Variants in DISP1 observed in about 807,000 individuals in gnomAD.
DISP1 encodes dispatched RND transporter family member 1, also known as protein dispatched homolog 1.
A neutral mutation model predicts 37.3 loss-of-function variants in DISP1; 30 were observed. The ratio of observed to expected loss-of-function variants is 0.80; its 90% CI spans 0.60 to 1.09. The LOEUF (loss-of-function observed/expected upper bound fraction) is 1.09, where lower values mean the gene tolerates loss of function less well. DISP1 is among the 50% of genes least tolerant of loss of function. The pLI, the probability that DISP1 is intolerant of heterozygous loss-of-function variation, is 0.00. For missense variants in DISP1, 1,598 were observed against 1,879.5 expected, an observed-to-expected ratio of 0.85 and a Z score of 2.77; for synonymous variants, 634 against 690.2, an observed-to-expected ratio of 0.92 and a Z score of 1.28.
intron 1 of DISP1, among the ~76,000 whole-genome samples, chr1:222,853,577 C>G (rs1364293341): frequency 6.6e-6 from 1 of 152,116 alleles, no homozygotes; most frequent in Non-Finnish European, 1.5e-5. Flanking sequence ...CCATGAAATC[C>G]TGTCATTCAC....
chr1:222,867,492 C>T (rs1309160142), intron 1 of DISP1, among the ~76,000 whole-genome samples: 2 of 152,024 alleles, frequency 1.3e-5, no homozygotes, highest in African/African-American at 4.8e-5. Context: ...TGTTAGGAAA[C>T]CCTTTGTGCA....
At chr1:222,948,157 G>A (rs1674932138) in intron 3 of DISP1, among the ~76,000 whole-genome samples, 1 of 152,176 alleles carries the variant, frequency 6.6e-6, no homozygotes, top group Admixed American at 6.5e-5. Flanking sequence ...GGACTACAGA[G>A]TAACAGTAAC....
chr1:222,984,564 T>C (rs1678135635), intron 4 of DISP1, among the ~76,000 whole-genome samples: 1 of 151,018 alleles, frequency 6.6e-6, no homozygotes, highest in African/African-American at 2.4e-5. Flanking sequence ...CATGTTGACA[T>C]ACTTTAAATG....
intron 1 of DISP1, among the ~76,000 whole-genome samples, chr1:222,908,741 T>C (rs1672050143): frequency 1.3e-5 from 2 of 152,172 alleles, no homozygotes; most frequent in South Asian, 2.1e-4. Context: ...ACCTAATGAA[T>C]TTACTTTCTT....
intron 1 of DISP1, among the ~76,000 whole-genome samples, chr1:222,873,676 G>A (rs1302257490): frequency 1.3e-5 from 2 of 152,132 alleles, no homozygotes; most frequent in Non-Finnish European, 2.9e-5. Flanking sequence ...GTTTCTGCAC[G>A]TGAGATGGGT....
intron 1 of DISP1, among the ~76,000 whole-genome samples, chr1:222,915,580 T>A (rs777058741): frequency 6.6e-6 from 1 of 152,238 alleles, no homozygotes; most frequent in Non-Finnish European, 1.5e-5. Flanking sequence ...GTTGGGTGAT[T>A]AACCAGGGCA....
intron 2 of DISP1, among the ~76,000 whole-genome samples, chr1:222,934,836 A>T (rs1673618285): frequency 6.6e-6 from 1 of 152,152 alleles, no homozygotes; most frequent in Admixed American, 6.6e-5. Flanking sequence ...ATTTGCATGC[A>T]CAAAAAACAG....
chr1:222,947,144 A>G (rs770881089), intron 3 of DISP1, among the ~76,000 whole-genome samples: 2 of 152,222 alleles, frequency 1.3e-5, no homozygotes, highest in Non-Finnish European at 2.9e-5. Flanking sequence ...CATCTTCCCA[A>G]ACTGAAACTC....
intron 1 of DISP1, among the ~76,000 whole-genome samples, chr1:222,826,844 A>G (rs1212478015): frequency 1.3e-5 from 2 of 152,228 alleles, no homozygotes; most frequent in African/African-American, 4.8e-5. Flanking sequence ...TTGAATTTGG[A>G]CAATCTGACT....
intron 1 of DISP1, among the ~76,000 whole-genome samples, chr1:222,822,724 G>A (rs1386153119): frequency 6.6e-6 from 1 of 152,206 alleles, no homozygotes; most frequent in Non-Finnish European, 1.5e-5. Flanking sequence ...GATTTTCAGT[G>A]AGACATGCTG....
chr1:222,950,532 A>G lies in DISP1; in HGVS notation c.509+7200A>G, dbSNP rs913798437. Among the ~76,000 whole-genome samples the G allele has an allele frequency of 9.9e-5, 15 of 152,158 alleles. No homozygotes were observed. The East Asian group carries it at 1.2e-3, about 12-fold the overall frequency. On this transcript the variant is annotated intron_variant, in intron 3 of 8. Coordinates refer to ENST00000675850, the MANE Select transcript of DISP1 (RefSeq NM_001377229.1). Reference sequence around the variant, plus strand: ...GGAGAATGGCCTGAACCCGGGAGGCAGAGCTTGCAGTGATCTGAGATCGCA... The same window carrying G: ...GGAGAATGGCCTGAACCCGGGAGGCGGAGCTTGCAGTGATCTGAGATCGCA...
intron 6 of DISP1, 148 bp downstream of exon 6, chr1:222,991,795 T>C (rs1678714389): frequency 1.9e-6 from 2 of 1,027,866 alleles, no homozygotes; most frequent in Non-Finnish European, 2.8e-6. Flanking sequence ...TCATTGTGTT[T>C]GAAGATTTTG....
chr1:223,003,773 C>T lies in DISP1; in HGVS notation c.2376C>T (p.Gly792=), dbSNP rs753722465. 32 of 1,614,112 alleles carry T rather than the reference C, an allele frequency of 2.0e-5. No individual in the cohort carries two copies. In the South Asian group the frequency reaches 2.3e-4, roughly 12 times the overall value. The change falls in exon 9 of 9, where the codon GGC becomes GGT. Residue 792 remains glycine, a synonymous_variant. Transcript: ENST00000675850. The surrounding 1 kb of genome is among the most constrained non-coding windows in gnomAD (Gnocchi z 4.3). The part of the protein sequence containing the change: ...ELHMPITVIW[G]VSPEDNGNPL... ...ACATGCCCATCACAGTAATCTGGGG[C>T]GTGTCCCCAGAAGACAATGGCAACC...
Position 222,839,498 on chromosome 1 carries a change from G to A in DISP1, c.-159+24420G>A, listed in dbSNP as rs543893167. On this transcript the variant is annotated intron_variant, in intron 1 of 8. Coordinates refer to ENST00000675850, the MANE Select transcript of DISP1 (RefSeq NM_001377229.1). ...TTCTCCTGCCTGGGAGGTACAAGTT[G>A]CTACTAGTTTCTGACAGTTAAACAA... 6.6e-5 allele frequency among the ~76,000 whole-genome samples: 10 copies of A among 152,296 alleles called. No homozygotes were observed. The South Asian group carries it at 1.9e-3, about 28-fold the overall frequency.
At chr1:222,958,748 T>G (rs1327964532) in intron 3 of DISP1, among the ~76,000 whole-genome samples, 3 of 152,188 alleles carry the variant, frequency 2.0e-5, no homozygotes, top group Non-Finnish European at 4.4e-5. Context: ...TTAGATTATA[T>G]TATAGAATAT....
chr1:222,860,800 G>C lies in DISP1; in HGVS notation c.-159+45722G>C, dbSNP rs902041162. On this transcript the variant is annotated intron_variant, in intron 1 of 8. Coordinates refer to ENST00000675850, the MANE Select transcript of DISP1 (RefSeq NM_001377229.1). ...CCTGAGGGGCTGAGGCAGGAGAATCGCTTCAGAGATTGCAGTGAGCCAAGA... is the reference window on the plus strand; with the variant it reads ...CCTGAGGGGCTGAGGCAGGAGAATCCCTTCAGAGATTGCAGTGAGCCAAGA... 2.0e-5 allele frequency among the ~76,000 whole-genome samples: 3 copies of C among 151,918 alleles called. No individual in the cohort carries two copies. In the South Asian group the frequency reaches 6.2e-4, roughly 32 times the overall value.
intron 1 of DISP1, among the ~76,000 whole-genome samples, chr1:222,869,050 A>G (rs1280564942): frequency 1.3e-5 from 2 of 152,152 alleles, no homozygotes; most frequent in African/African-American, 4.8e-5. Flanking sequence ...TTTTGCCAAG[A>G]AATGAATTGC....
chr1:222,861,144 C>T (rs148577402), intron 1 of DISP1, among the ~76,000 whole-genome samples: 171 of 152,174 alleles, frequency 1.1e-3, no homozygotes, highest in African/African-American at 4.0e-3. Context: ...TTTCCTTTGC[C>T]GACTCACCTC....
intron 1 of DISP1, chr1:222,827,279 A>G (rs1326197925): frequency 6.6e-6 from 1 of 152,210 alleles, no homozygotes; most frequent in African/African-American, 2.4e-5. Context: ...AAATGTACAG[A>G]TGGTGGAATT....
Sources: gnomAD v4.1 joint callset for allele counts (sites outside exome capture counted in the v4.1 genomes callset) on GRCh38, gnomAD v4.1.1 for gene constraint, Gnocchi (gnomAD v3.1) non-coding constraint, MANE v1.5 for transcripts, NCBI Gene and HGNC (gene_info 2026-07-23, HGNC 2026-07-21) for gene names.